Variants in SVOP observed in about 807,000 individuals in gnomAD.
SVOP encodes the protein SV2 related protein, also known as synaptic vesicle 2-related protein.
SVOP carries 17 observed loss-of-function variants against 69.1 expected under a neutral mutation model. That is an observed-to-expected ratio of 0.25 (90% confidence interval 0.17 to 0.37). SVOP has a LOEUF of 0.37. Among genes scored for constraint, SVOP ranks in the 10% least tolerant of loss-of-function variants. The pLI, the probability that SVOP is intolerant of heterozygous loss-of-function variation, is 1.00. For synonymous variants in SVOP, 238 were observed against 238.6 expected (o/e 1.00, Z 0.02); for missense variants, 435 against 597.5 (o/e 0.73, Z 2.84).
intron 1 of SVOP, among the ~76,000 whole-genome samples, chr12:108,986,800 C>T (rs940339069): frequency 6.6e-6 from 1 of 152,090 alleles, no homozygotes; most frequent in Non-Finnish European, 1.5e-5. Context: ...TTATAGGCAT[C>T]ATTATTTGAT....
In SVOP at chr12:108,915,941, G is replaced by A. The variant is rs567431357; in HGVS notation, c.1351-69C>T. On this transcript the variant is annotated intron_variant, in intron 14 of 15. Transcript: ENST00000610966. ...CCTCCCACCACTCCAGCTCCAAGCTGATAGGACCAACCTCAGGGGCAGGCC... is the reference window on the plus strand; with the variant it reads ...CCTCCCACCACTCCAGCTCCAAGCTAATAGGACCAACCTCAGGGGCAGGCC... The A allele has an allele frequency of 5.5e-4, 778 of 1,423,908 alleles. 8 individuals carry two copies. In the Middle Eastern group the frequency reaches 8.4e-3, roughly 15 times the overall value. The allele number at this position is 1,423,908 out of a possible 1,614,324, so 88.2% of individuals were successfully genotyped here.
intron 11 of SVOP, among the ~76,000 whole-genome samples, chr12:108,927,588 T>A (rs1566049033): frequency 9.8e-6 from 1 of 101,930 alleles, no homozygotes; most frequent in Non-Finnish European, 2.2e-5. Context: ...TCTCTCTCTC[T>A]CTTTTTTTTT....
At chr12:108,966,460 G>A (rs928962069) in intron 5 of SVOP, among the ~76,000 whole-genome samples, 16 of 152,050 alleles carry the variant, frequency 1.1e-4, no homozygotes, top group Non-Finnish European at 1.8e-4. Flanking sequence ...AATATCATGC[G>A]GTGAACGCCC....
intron 11 of SVOP, among the ~76,000 whole-genome samples, chr12:108,928,206 C>T (rs1247026431): frequency 6.6e-6 from 1 of 151,860 alleles, no homozygotes; most frequent in Non-Finnish European, 1.5e-5. Context: ...GCGCAGCCAA[C>T]CCCCACACCC....
In SVOP at chr12:108,918,495, AGG is replaced by A. The variant is rs775737040; in HGVS notation, c.1269-373_1269-372del. Among the ~76,000 whole-genome samples, 9 of 152,332 alleles carry A rather than the reference AGG, an allele frequency of 5.9e-5. No homozygotes were observed. In the South Asian group the frequency reaches 1.9e-3, roughly 32 times the overall value. On this transcript the variant is annotated intron_variant, in intron 13 of 15. Transcript: ENST00000610966. ...AAGTAAACCACTATTTAGTATTCTTAGGATAATTCTGATCCCAACCCTCTGTC... is the reference window on the plus strand; with the variant it reads ...AAGTAAACCACTATTTAGTATTCTTAATAATTCTGATCCCAACCCTCTGTC...
intron 11 of SVOP, among the ~76,000 whole-genome samples, chr12:108,925,632 A>G (rs2137394106): frequency 6.6e-6 from 1 of 152,324 alleles, no homozygotes; most frequent in East Asian, 1.9e-4. Context: ...ATTATCTGGC[A>G]CTTAACACAT....
intron 2 of SVOP, among the ~76,000 whole-genome samples, chr12:108,983,023 CCAT>C (rs1329068930): frequency 2.0e-5 from 3 of 150,390 alleles, no homozygotes; most frequent in Non-Finnish European, 3.0e-5. Flanking sequence ...ATTATCACCA[CCAT>C]CATCATATCA....
At chr12:108,939,131 A>G (rs1467905003) in intron 8 of SVOP, among the ~76,000 whole-genome samples, 176 bp from the exon 9 acceptor site, 1 of 152,134 alleles carries the variant, frequency 6.6e-6, no homozygotes, top group Non-Finnish European at 1.5e-5. Context: ...ACCCTGTACA[A>G]TTACTTGACT....
chr12:108,928,110 G>T (rs1288239313), intron 11 of SVOP, among the ~76,000 whole-genome samples: 1 of 145,770 alleles, frequency 6.9e-6, no homozygotes, highest in Admixed American at 6.8e-5. Flanking sequence ...CACCATTTTG[G>T]CCAGGCTGGT....
chr12:109,018,524 A>AT (rs1273203865), intron 1 of SVOP, among the ~76,000 whole-genome samples: 6 of 151,454 alleles, frequency 4.0e-5, no homozygotes, highest in Non-Finnish European at 8.8e-5. Context: ...GGCACTCTGA[A>AT]TTTTTTTTTA....
intron 1 of SVOP, among the ~76,000 whole-genome samples, chr12:108,997,521 CAA>C (rs2040242483): frequency 6.6e-6 from 1 of 152,062 alleles, no homozygotes; most frequent in African/African-American, 2.4e-5. Context: ...CACAGACAAA[CAA>C]AAAGACAGCA....
At chr12:108,982,417 C>T (rs957149989) in intron 2 of SVOP, among the ~76,000 whole-genome samples, 1 of 151,048 alleles carries the variant, frequency 6.6e-6, no homozygotes, top group East Asian at 2.0e-4. Flanking sequence ...TCATCACCAT[C>T]ACCATCATCA....
intron 1 of SVOP, among the ~76,000 whole-genome samples, chr12:108,991,368 G>C (rs2040199292): frequency 6.6e-6 from 1 of 152,098 alleles, no homozygotes; most frequent in Non-Finnish European, 1.5e-5. Flanking sequence ...AGGAGGCCAA[G>C]GCAGGAGGAT....
intron 1 of SVOP, among the ~76,000 whole-genome samples, 194 bp from the exon 2 acceptor site, chr12:108,983,955 C>T (rs2040154931): frequency 6.6e-6 from 1 of 152,194 alleles, no homozygotes; most frequent in Non-Finnish European, 1.5e-5. Flanking sequence ...AATATCAGGA[C>T]TGCCATATAC....
intron 9 of SVOP, among the ~76,000 whole-genome samples, chr12:108,938,307 A>G (rs553174907): frequency 6.6e-6 from 1 of 152,266 alleles, no homozygotes; most frequent in Non-Finnish European, 1.5e-5. Context: ...CATGTGTGCA[A>G]TGCTGGTGCC....
intron 11 of SVOP, among the ~76,000 whole-genome samples, chr12:108,928,251 A>G (rs1406911997): frequency 6.6e-6 from 1 of 150,616 alleles, no homozygotes; most frequent in Non-Finnish European, 1.5e-5. Flanking sequence ...AACTTTTGTC[A>G]GGCTCCTCTG....
At position 108,934,165 on chromosome 12, in the gene SVOP, T is replaced by A. The variant is rs372023807; in HGVS notation, c.1048+30A>T. 1.8e-4 allele frequency: 278 copies of A among 1,576,372 alleles called. 1 individual carries two copies. Among genetic ancestry groups the A allele is most frequent in the Non-Finnish European group, 2.3e-4 (267 of 1,159,210 alleles). ...GTATGTGCCGAGGGTGTGGGAGTAG[T>A]TAGCTGGCAAAGACAACCAAGATAC... On this transcript the variant is annotated intron_variant, in intron 11 of 15. Coordinates refer to ENST00000610966, the MANE Select transcript of SVOP (RefSeq NM_018711.5).
intron 6 of SVOP, among the ~76,000 whole-genome samples, chr12:108,958,056 A>C (rs2039995137): frequency 6.6e-6 from 1 of 152,230 alleles, no homozygotes; most frequent in Non-Finnish European, 1.5e-5. Context: ...GTCCCATAAG[A>C]TTATAATACT....
intron 6 of SVOP, among the ~76,000 whole-genome samples, chr12:108,959,793 T>A (rs2040007036): frequency 6.6e-6 from 1 of 152,212 alleles, no homozygotes; most frequent in Non-Finnish European, 1.5e-5. Flanking sequence ...TCCTTCTGGG[T>A]CTTTCCAAAT....
Sources: allele counts gnomAD v4.1 joint callset (sites outside exome capture counted in the v4.1 genomes callset), GRCh38; gene constraint gnomAD v4.1.1; transcripts MANE v1.5; gene names NCBI Gene and HGNC (gene_info 2026-07-23, HGNC 2026-07-21).